Variants in DYNC2H1 observed in about 807,000 individuals in gnomAD.
DYNC2H1 encodes dynein cytoplasmic 2 heavy chain 1.
Under a neutral mutation model 570.0 loss-of-function variants are expected in DYNC2H1, and 410 were observed. That is an observed-to-expected ratio of 0.72 (90% CI 0.66 to 0.78). The LOEUF is 0.78. Among genes scored for constraint, DYNC2H1 ranks in the 30% least tolerant of loss-of-function variants. DYNC2H1 has a pLI of 0.00. For synonymous variants in DYNC2H1, 1,688 were observed against 1,677.6 expected (o/e 1.01, Z -0.15); for missense variants, 4,865 against 5,046.4 (o/e 0.96, Z 1.09).
At position 103,244,016 on chromosome 11, in the gene DYNC2H1, G is replaced by A. The variant is rs1369684520; in HGVS notation, c.9918+225G>A. Reference sequence around the variant, plus strand: ...CTAAGCCCTGGGAATTTAATAGTGAGTTCCTTCCCTTATAAAGATGACAGT... The same window carrying A: ...CTAAGCCCTGGGAATTTAATAGTGAATTCCTTCCCTTATAAAGATGACAGT... On this transcript the variant is annotated intron_variant, in intron 64 of 88. Transcript: ENST00000375735. This position sits in a 1 kb window ranked among gnomAD's most constrained non-coding sequence, Gnocchi z 4.3. Among the ~76,000 whole-genome samples the A allele has an allele frequency of 6.6e-6, 1 of 152,046 alleles. No homozygotes were observed. Among genetic ancestry groups the A allele is most frequent in the Non-Finnish European group, 1.5e-5 (1 of 67,968 alleles).
Position 103,268,555 on chromosome 11 carries a change from G to A in DYNC2H1, c.10695+8578G>A, listed in dbSNP as rs10895388. ...TTTCTAGGCAATATATTAAGCCTAC[G>A]AAGTTTCGTTATTGGTCAGTCTTGT... On this transcript the variant is annotated intron_variant, in intron 70 of 88. Transcript: ENST00000375735. The surrounding 1 kb of genome is among the most constrained non-coding windows in gnomAD (Gnocchi z 4.6). Among the ~76,000 whole-genome samples, 7,509 of 151,806 alleles carry A rather than the reference G, an allele frequency of 0.049. 249 individuals are homozygous for A. Among genetic ancestry groups the A allele is most frequent in the Non-Finnish European group, 0.071 (4,829 of 67,812 alleles).
intron 82 of DYNC2H1, among the ~76,000 whole-genome samples, chr11:103,349,115 T>A (rs946904816): frequency 2.0e-5 from 3 of 152,180 alleles, no homozygotes; most frequent in Non-Finnish European, 4.4e-5. Flanking sequence ...GGCTTCTACA[T>A]TAAGCTGCTG....
At chr11:103,286,790 G>A (rs1029302502) in intron 74 of DYNC2H1, among the ~76,000 whole-genome samples, 4 of 151,976 alleles carry the variant, frequency 2.6e-5, no homozygotes, top group Admixed American at 6.6e-5. Flanking sequence ...GGCAGGTTCC[G>A]CTCAAACTTT....
intron 82 of DYNC2H1, among the ~76,000 whole-genome samples, chr11:103,342,400 C>G (rs1939497369): frequency 6.6e-6 from 1 of 152,136 alleles, no homozygotes; most frequent in Non-Finnish European, 1.5e-5. Flanking sequence ...CTGGCCACCC[C>G]AGCCAGCTGC....
At chr11:103,266,614 C>T (rs1865515344) in intron 70 of DYNC2H1, among the ~76,000 whole-genome samples, 4 of 152,190 alleles carry the variant, frequency 2.6e-5, no homozygotes, top group Admixed American at 2.0e-4. Context: ...GCAAGGAAAG[C>T]AAAAGCTGGC....
chr11:103,222,046 G>T lies in DYNC2H1; in HGVS notation c.9124G>T (p.Gly3042Cys), dbSNP rs1489250316. Residue 3042 changes from glycine (G) to cysteine (C), a missense_variant, in exon 58 of 89, where the codon GGT becomes TGT. Transcript: ENST00000375735. ...TAATTTTAGTTTCCTTGCAAAAAGA[G>T]GTGTAAGAGAAGACATAGCAACCTT... is the stretch of plus-strand genomic sequence containing the variant. ...VSMKSFLAKR[G>C]VREDIATFDA... 5.0e-6 allele frequency: 8 copies of T among 1,610,232 alleles called. No homozygotes were observed. Among genetic ancestry groups the T allele is most frequent in the Non-Finnish European group, 6.8e-6 (8 of 1,178,168 alleles).
intron 60 of DYNC2H1, 107 bp from the exon 61 acceptor site, chr11:103,233,926 AT>A (rs1359279360): frequency 9.6e-7 from 1 of 1,043,412 alleles, no homozygotes; most frequent in Non-Finnish European, 1.3e-6. Context: ...CATTAATAGT[AT>A]TATCATTAAA....
chr11:103,193,227 T>G (rs574788822), intron 47 of DYNC2H1, among the ~76,000 whole-genome samples: 2 of 152,306 alleles, frequency 1.3e-5, no homozygotes, highest in South Asian at 4.1e-4. Context: ...TATTAATAGT[T>G]CAGAGTTTGC....
intron 59 of DYNC2H1, among the ~76,000 whole-genome samples, chr11:103,229,060 C>T (rs577029871): frequency 6.6e-6 from 1 of 152,310 alleles, no homozygotes; most frequent in African/African-American, 2.4e-5. Context: ...ATGTAGTCTG[C>T]AGTCCTAAAG....
At chr11:103,136,005 A>G (rs547108307) in intron 17 of DYNC2H1, 57 bp downstream of exon 17, 5 of 1,368,658 alleles carry the variant, frequency 3.7e-6, no homozygotes, top group Admixed American at 2.6e-5. Flanking sequence ...GATTGATTGA[A>G]TTTACATTAA....
At chr11:103,176,878 A>T (rs1591363822) in intron 37 of DYNC2H1, among the ~76,000 whole-genome samples, 1 of 151,666 alleles carries the variant, frequency 6.6e-6, no homozygotes, top group African/African-American at 2.4e-5. Context: ...GCTAATTTTT[A>T]TATTTTTAGT....
chr11:103,302,621 A>G (rs1867095645), intron 75 of DYNC2H1, among the ~76,000 whole-genome samples: 1 of 152,080 alleles, frequency 6.6e-6, no homozygotes, highest in Non-Finnish European at 1.5e-5. Flanking sequence ...CAGTGAAATC[A>G]TTTACTCAGA....
intron 59 of DYNC2H1, among the ~76,000 whole-genome samples, chr11:103,224,418 C>CCT (rs10657625): frequency 0.93 from 141,878 of 152,162 alleles, 66,173 homozygotes; most frequent in African/African-American, 0.94. Context: ...TGCCCTTTCC[C>CCT]GAGTCTCCAA....
At chr11:103,276,106 A>T (rs936048436) in intron 70 of DYNC2H1, among the ~76,000 whole-genome samples, 2 of 152,088 alleles carry the variant, frequency 1.3e-5, no homozygotes, top group African/African-American at 4.8e-5. Context: ...TTTTCTGATG[A>T]CATATGATGT....
Position 103,177,858 on chromosome 11 carries a change from A to ATTTTT in DYNC2H1, c.6139+40_6139+41insTTTTT. On this transcript the variant is annotated intron_variant, in intron 38 of 88. Coordinates refer to ENST00000375735, the MANE Select transcript of DYNC2H1 (RefSeq NM_001377.3). The surrounding 1 kb of genome is among the most constrained non-coding windows in gnomAD (Gnocchi z 4.4). ...GTATACTTCTTTGCTTTACTTAGTA[A>ATTTTT]TTCTTAGATAATGATATAATTTGTC... 6.4e-7 allele frequency: 1 copy of ATTTTT among 1,560,862 alleles called. No individual in the cohort carries two copies. The highest frequency in any genetic ancestry group is 8.6e-7 in the Non-Finnish European group (1 of 1,162,532).
At chr11:103,282,970 A>G in intron 72 of DYNC2H1, 38 bp from the exon 73 acceptor site, 2 of 1,486,266 alleles carry the variant, frequency 1.3e-6, no homozygotes, top group Non-Finnish European at 1.8e-6. Context: ...TCTGAATTTT[A>G]CCAAGTATAC....
Position 103,278,926 on chromosome 11 carries a change from C to T in DYNC2H1, c.10696-1422C>T, listed in dbSNP as rs1420383395. On this transcript the variant is annotated intron_variant, in intron 70 of 88. Transcript: ENST00000375735. ...GTTCTTATAAGAAATACTTGTTATC[C>T]ACCTGCCTATTGTAGGCAATAGGGT... Among the ~76,000 whole-genome samples, 3 of 152,132 alleles carry T rather than the reference C, an allele frequency of 2.0e-5. No individual in the cohort carries two copies. The South Asian group carries it at 6.2e-4, about 31-fold the overall frequency.
At chr11:103,434,061 G>A (rs540178203) in intron 84 of DYNC2H1, among the ~76,000 whole-genome samples, 6 of 152,036 alleles carry the variant, frequency 3.9e-5, no homozygotes, top group African/African-American at 1.4e-4. Flanking sequence ...CTGAGCGCTG[G>A]ATTCTAACCT....
Position 103,199,950 on chromosome 11 carries a change from G to T in DYNC2H1, c.8089-96G>T. On this transcript the variant is annotated intron_variant, in intron 49 of 88. Transcript: ENST00000375735. The surrounding 1 kb of genome is among the most constrained non-coding windows in gnomAD (Gnocchi z 4.6). ...GAAATAAATGAATAAATAAACACAT[G>T]ATACTGGCATACTTTACATACAAAT... is the stretch of plus-strand genomic sequence containing the variant. 1 of 735,424 alleles carries T rather than the reference G, an allele frequency of 1.4e-6. No individual in the cohort carries two copies. Among genetic ancestry groups the T allele is most frequent in the Non-Finnish European group, 2.2e-6 (1 of 448,306 alleles). The allele number at this position is 735,424 out of a possible 1,614,324, so 45.6% of individuals were successfully genotyped here.
Sources: gnomAD v4.1 joint callset for allele counts (sites outside exome capture counted in the v4.1 genomes callset) on GRCh38, gnomAD v4.1.1 for gene constraint, Gnocchi (gnomAD v3.1) non-coding constraint, MANE v1.5 for transcripts, NCBI Gene and HGNC (gene_info 2026-07-23, HGNC 2026-07-21) for gene names.